The following DNAJC3 variants were observed in gnomAD, a reference collection of about 807,000 sequenced individuals.
The protein encoded by DNAJC3 is DnaJ heat shock protein family (Hsp40) member C3, also known as dnaJ homolog subfamily C member 3.
A neutral mutation model predicts 68.6 loss-of-function variants in DNAJC3; 38 were observed. The observed-to-expected ratio is 0.55, with a 90% CI of 0.43 to 0.73. The LOEUF (loss-of-function observed/expected upper bound fraction) is 0.73, where lower values mean the gene tolerates loss of function less well. DNAJC3 is among the 30% of genes least tolerant of loss of function. The pLI is 0.00. For missense variants in DNAJC3, 526 were observed against 591.9 expected, an observed-to-expected ratio of 0.89 and a Z score of 1.16; for synonymous variants, 203 against 204.0, an observed-to-expected ratio of 1.00 and a Z score of 0.04.
intron 1 of DNAJC3, among the ~76,000 whole-genome samples, chr13:95,688,920 TTGTGTGGGTGTG>T (rs1880139672): frequency 8.0e-6 from 1 of 124,352 alleles, no homozygotes; most frequent in African/African-American, 3.4e-5. Context: ...GCCCATTTGA[TTGTGTGGGTGTG>T]TGTGTGTGTG....
intron 2 of DNAJC3, 36 bp downstream of exon 2, chr13:95,709,373 C>G (rs1303968696): frequency 1.4e-6 from 2 of 1,466,320 alleles, no homozygotes; most frequent in African/African-American, 1.4e-5. Flanking sequence ...CAGTGTCTGT[C>G]TTAGTGAATT....
intron 1 of DNAJC3, among the ~76,000 whole-genome samples, chr13:95,683,114 T>A (rs1158239574): frequency 6.6e-6 from 1 of 152,162 alleles, no homozygotes; most frequent in Non-Finnish European, 1.5e-5. Flanking sequence ...ATGCAAAATA[T>A]AGGAAGATTG....
At chr13:95,677,780 G>C (rs1594764095) in intron 1 of DNAJC3, among the ~76,000 whole-genome samples, 1 of 152,192 alleles carries the variant, frequency 6.6e-6, no homozygotes, top group Admixed American at 6.5e-5. Context: ...TTCTTGGGTG[G>C]GGAAGGAGTG....
chr13:95,776,998 A>C (rs1252314515), intron 9 of DNAJC3, among the ~76,000 whole-genome samples: 2 of 152,160 alleles, frequency 1.3e-5, no homozygotes, highest in African/African-American at 2.4e-5. Context: ...GTTCTACGTG[A>C]AATTCAGTGT....
At chr13:95,786,156 C>T (rs1162692524) in intron 10 of DNAJC3, 85 bp downstream of exon 10, 1 of 1,337,052 alleles carries the variant, frequency 7.5e-7, no homozygotes, top group African/African-American at 1.5e-5. Flanking sequence ...CTCTCTGATT[C>T]ATTTTCTTTA....
chr13:95,725,302 G>T (rs763320586), intron 4 of DNAJC3, 50 bp downstream of exon 4: 2 of 1,373,126 alleles, frequency 1.5e-6, no homozygotes, highest in East Asian at 4.9e-5. Context: ...TTGAGAGAAC[G>T]TATTTGACCT....
chr13:95,689,721 A>T (rs1408465381), intron 1 of DNAJC3, among the ~76,000 whole-genome samples: 3 of 151,540 alleles, frequency 2.0e-5, no homozygotes, highest in Non-Finnish European at 4.4e-5. Flanking sequence ...TATCTTTTTG[A>T]TGTAGGCATT....
intron 4 of DNAJC3, among the ~76,000 whole-genome samples, chr13:95,728,648 A>G (rs1239167871): frequency 3.9e-5 from 6 of 152,280 alleles, no homozygotes; most frequent in African/African-American, 9.6e-5. Context: ...AGGATGTTTT[A>G]TAGAACAAAA....
intron 4 of DNAJC3, among the ~76,000 whole-genome samples, chr13:95,734,264 C>T (rs373731483): frequency 1.3e-5 from 2 of 152,100 alleles, no homozygotes; most frequent in South Asian, 2.1e-4. Context: ...TATTTTTCTC[C>T]TTCATTTATG....
chr13:95,779,942 C>T (rs1301677303), intron 9 of DNAJC3, among the ~76,000 whole-genome samples: 2 of 152,144 alleles, frequency 1.3e-5, no homozygotes, highest in Admixed American at 6.5e-5. Context: ...AATTATTACT[C>T]ATCATAAAAT....
chr13:95,692,747 G>A (rs905602207), intron 1 of DNAJC3: 5 of 151,526 alleles, frequency 3.3e-5, no homozygotes, highest in African/African-American at 1.2e-4. Context: ...TCCACTTCAA[G>A]TCAACTAGAC....
chr13:95,749,343 C>A (rs1002366945), intron 4 of DNAJC3, among the ~76,000 whole-genome samples: 1 of 152,124 alleles, frequency 6.6e-6, no homozygotes, highest in Non-Finnish European at 1.5e-5. Flanking sequence ...TGGTAAGACT[C>A]CATCAATTTT....
chr13:95,699,701 G>A (rs1044869375), intron 1 of DNAJC3, among the ~76,000 whole-genome samples: 4 of 152,166 alleles, frequency 2.6e-5, no homozygotes, highest in African/African-American at 7.2e-5. Flanking sequence ...AACTATGAAA[G>A]ACGTTTACTT....
intron 4 of DNAJC3, among the ~76,000 whole-genome samples, chr13:95,743,744 A>G (rs1380774870): frequency 1.3e-5 from 2 of 152,068 alleles, no homozygotes; most frequent in East Asian, 1.9e-4. Context: ...TTTTGAGTGG[A>G]AATAGGATTT....
At chr13:95,739,612 G>A (rs1043103647) in intron 4 of DNAJC3, among the ~76,000 whole-genome samples, 37 of 152,180 alleles carry the variant, frequency 2.4e-4, no homozygotes, top group Middle Eastern at 3.4e-3. Flanking sequence ...CCAGTTGATC[G>A]TATTGGCTCC....
At chr13:95,709,178 A>G (rs1189934820) in intron 1 of DNAJC3, 49 bp from the exon 2 acceptor site, 1 of 1,316,504 alleles carries the variant, frequency 7.6e-7, no homozygotes, top group African/African-American at 1.5e-5. Context: ...TTTAGAATTA[A>G]ATCTTAGTTC....
intron 4 of DNAJC3, among the ~76,000 whole-genome samples, chr13:95,756,946 G>A (rs1882680983): frequency 6.6e-6 from 1 of 152,154 alleles, no homozygotes; most frequent in South Asian, 2.1e-4. Context: ...CTGTGGTGAT[G>A]GCTGCACAAC....
chr13:95,772,779 TGTG>T (rs1225378672), intron 9 of DNAJC3, among the ~76,000 whole-genome samples: 2 of 152,250 alleles, frequency 1.3e-5, no homozygotes, highest in African/African-American at 4.8e-5. Context: ...ATTCCATTAA[TGTG>T]GTAAATTAAA....
At chr13:95,694,727 A>C (rs932856490) in intron 1 of DNAJC3, 5 of 152,662 alleles carry the variant, frequency 3.3e-5, no homozygotes, top group African/African-American at 1.2e-4. Context: ...TTCTGGCCAT[A>C]CACTACACAC....
Sources: gnomAD v4.1 joint callset for allele counts (sites outside exome capture counted in the v4.1 genomes callset) on GRCh38, gnomAD v4.1.1 for gene constraint, MANE v1.5 for transcripts, NCBI Gene and HGNC (gene_info 2026-07-23, HGNC 2026-07-21) for gene names.